The following PKD1L1 variants were observed in gnomAD, a reference collection of about 807,000 sequenced individuals.
PKD1L1 encodes the protein polycystin 1 like 1, transient receptor potential channel interacting.
Under a neutral mutation model 323.4 loss-of-function variants are expected in PKD1L1, and 236 were observed. The observed-to-expected ratio is 0.73, with a 90% CI of 0.66 to 0.81. The LOEUF is 0.81. Ranked by LOEUF, PKD1L1 falls within the 40% of genes least tolerant of loss-of-function variation. PKD1L1 has a pLI of 0.00. For missense variants in PKD1L1, 3,320 were observed against 3,508.0 expected, an observed-to-expected ratio of 0.95 and a Z score of 1.35; for synonymous variants, 1,344 against 1,335.0, an observed-to-expected ratio of 1.01 and a Z score of -0.15.
chr7:47,780,868 A>C (rs1162868807), intron 56 of PKD1L1, among the ~76,000 whole-genome samples: 2 of 152,246 alleles, frequency 1.3e-5, no homozygotes, highest in Admixed American at 6.5e-5. Context: ...TGCTGTGAAC[A>C]TTCATGTGCA....
intron 22 of PKD1L1, 98 bp from the exon 23 acceptor site, chr7:47,876,315 G>C: frequency 1.4e-6 from 2 of 1,396,730 alleles, no homozygotes; most frequent in Non-Finnish European, 9.9e-7. Context: ...ATTGTACCAA[G>C]GACATTCTTT....
At chr7:47,875,264 T>A (rs1333122201) in intron 23 of PKD1L1, among the ~76,000 whole-genome samples, 1 of 152,212 alleles carries the variant, frequency 6.6e-6, no homozygotes, top group African/African-American at 2.4e-5. Context: ...TGTTTCTAAC[T>A]GAAGGTGACA....
intron 31 of PKD1L1, among the ~76,000 whole-genome samples, chr7:47,851,757 T>C (rs1049123293): frequency 1.1e-4 from 17 of 151,934 alleles, no homozygotes; most frequent in African/African-American, 3.6e-4. Context: ...AATTTAATCA[T>C]GAGGAAACAG....
intron 8 of PKD1L1, among the ~76,000 whole-genome samples, chr7:47,908,838 G>A (rs1179426528): frequency 1.3e-5 from 2 of 152,192 alleles, no homozygotes; most frequent in East Asian, 3.9e-4. Flanking sequence ...GCACACTGGG[G>A]CTTGCCCTCT....
At chr7:47,940,815 A>G (rs919317216) in intron 2 of PKD1L1, among the ~76,000 whole-genome samples, 1 of 152,126 alleles carries the variant, frequency 6.6e-6, no homozygotes, top group Non-Finnish European at 1.5e-5. Flanking sequence ...CACTCCTCCC[A>G]TCTCTGAGGG....
At chr7:47,894,622 G>C (rs1786896950) in intron 14 of PKD1L1, among the ~76,000 whole-genome samples, 1 of 152,156 alleles carries the variant, frequency 6.6e-6, no homozygotes, top group Non-Finnish European at 1.5e-5. Flanking sequence ...AGGCTGAGGT[G>C]GGTGGACTGC....
At chr7:47,804,210 C>G (rs1869323) in intron 52 of PKD1L1, among the ~76,000 whole-genome samples, 9,514 of 152,270 alleles carry the variant, frequency 0.062, 422 homozygotes, top group East Asian at 0.2. Context: ...TGTCACCCCT[C>G]GGGTTCCCTT....
chr7:47,829,680 TA>T, intron 43 of PKD1L1, 79 bp from the exon 44 acceptor site: 1 of 1,413,220 alleles, frequency 7.1e-7, no homozygotes, highest in South Asian at 1.4e-5. Flanking sequence ...TCCCGTCCCC[TA>T]ATCATGAACA....
At chr7:47,796,574 C>T (rs545093063) in intron 54 of PKD1L1, among the ~76,000 whole-genome samples, 46 of 152,316 alleles carry the variant, frequency 3.0e-4, no homozygotes, top group Admixed American at 5.9e-4. Context: ...TTGTTGTGCC[C>T]TCAACATGTG....
intron 37 of PKD1L1, among the ~76,000 whole-genome samples, chr7:47,835,688 AC>A (rs1395443125): frequency 1.3e-5 from 2 of 152,162 alleles, no homozygotes; most frequent in Non-Finnish European, 2.9e-5. Flanking sequence ...GGCGTGAGCT[AC>A]TGCGCCTGGC....
intron 13 of PKD1L1, among the ~76,000 whole-genome samples, chr7:47,900,301 A>G (rs114486485): frequency 0.014 from 2,187 of 152,282 alleles, 50 homozygotes; most frequent in African/African-American, 0.05. Flanking sequence ...GCTGCTACAA[A>G]AACATCTCTA....
At chr7:47,832,049 T>A (rs1457159847) in intron 41 of PKD1L1, among the ~76,000 whole-genome samples, 1 of 152,246 alleles carries the variant, frequency 6.6e-6, no homozygotes, top group African/African-American at 2.4e-5. Flanking sequence ...GCAACTGCTC[T>A]TAGAGGCAGG....
At position 47,890,565 on chromosome 7, in the gene PKD1L1, G is replaced by A. The variant is rs552730872; in HGVS notation, c.2652C>T (p.Ser884=). ...ACCTGAACGCCGAGTCAGGGTAGGG[G>A]GACAGGAACACCCGGGTCTCAGAAG... ...RNSSETRVFL[S]PYPDSAFRFV... Residue 884 remains serine (S), a synonymous_variant, in exon 16 of 57, where the codon TCC becomes TCT. Transcript: ENST00000289672. 2.5e-6 allele frequency: 4 copies of A among 1,614,112 alleles called. No homozygotes were observed. The South Asian group carries it at 3.3e-5, about 13-fold the overall frequency.
intron 46 of PKD1L1, among the ~76,000 whole-genome samples, chr7:47,815,959 A>G (rs1445600278): frequency 6.6e-6 from 1 of 152,064 alleles, no homozygotes. Flanking sequence ...CCTGAAGGTG[A>G]GGGTGGAGCC....
chr7:47,782,740 TG>T (rs1386242970), intron 56 of PKD1L1, among the ~76,000 whole-genome samples: 1 of 152,228 alleles, frequency 6.6e-6, no homozygotes, highest in Non-Finnish European at 1.5e-5. Context: ...AACATGGCTT[TG>T]AATAGGGAAA....
chr7:47,796,048 G>A lies in PKD1L1; in HGVS notation c.8296C>T (p.Leu2766Phe), dbSNP rs777661858. 1.1e-5 allele frequency: 17 copies of A among 1,612,654 alleles called. No individual in the cohort carries two copies. In the South Asian group the frequency reaches 1.7e-4, roughly 16 times the overall value. The part of the protein sequence containing the change: ...DVTAYMWEKV[L>F]TFLRLETPKL... ...GGTGTTTCCAGTCTCAGAAAGGTGAGGACCTTTTCCCACATATAAGCAGTG... is the reference window on the plus strand; with the variant it reads ...GGTGTTTCCAGTCTCAGAAAGGTGAAGACCTTTTCCCACATATAAGCAGTG... Residue 2766 changes from leucine to phenylalanine, a missense_variant, in exon 55 of 57, where the codon CTC becomes TTC. Physicochemically the swap from Leu to Phe is conservative, Grantham distance 22. Transcript: ENST00000289672.
the PKD1L1 span, among the ~76,000 whole-genome samples, chr7:47,960,373 A>T: frequency 5.7e-5 from 4 of 70,400 alleles, no homozygotes; most frequent in Non-Finnish European, 1.1e-4. Flanking sequence ...CAATAAAAAA[A>T]AATTAAAAAA....
rs565919844 is a variant in PKD1L1, at chr7:47,777,730, G to T, written c.8527-2564C>A. ...TTCCTCAGAGCAAAACAGGATCCAG[G>T]TTTATTTTTCACATAAGCAGGGGGA... On this transcript the variant is annotated intron_variant, in intron 56 of 56. Coordinates refer to ENST00000289672, the MANE Select transcript of PKD1L1 (RefSeq NM_138295.5). Among the ~76,000 whole-genome samples the T allele has an allele frequency of 8.5e-5, 13 of 152,298 alleles. 1 individual carries two copies. In the South Asian group the frequency reaches 2.3e-3, roughly 27 times the overall value.
At chr7:47,788,590 A>T (rs1316007439) in intron 56 of PKD1L1, among the ~76,000 whole-genome samples, 12 of 117,746 alleles carry the variant, frequency 1.0e-4, no homozygotes, top group Non-Finnish European at 1.9e-4. Context: ...TTTTTTTTTT[A>T]ATTTTAATTT....
Sources: gnomAD v4.1 joint callset for allele counts (sites outside exome capture counted in the v4.1 genomes callset) on GRCh38, gnomAD v4.1.1 for gene constraint, MANE v1.5 for transcripts, NCBI Gene and HGNC (gene_info 2026-07-23, HGNC 2026-07-21) for gene names.